Variants in PRKCA observed in about 807,000 individuals in gnomAD.
PRKCA encodes the protein protein kinase C alpha, also known as protein kinase C alpha type.
In PRKCA, 27 loss-of-function variants were observed where a neutral mutation model predicts 87.0. The ratio of observed to expected loss-of-function variants is 0.31; its 90% CI spans 0.23 to 0.43. PRKCA has a LOEUF of 0.43. PRKCA is among the 20% of genes least tolerant of loss of function. The pLI is 1.00. For missense variants in PRKCA, 518 were observed against 852.3 expected (o/e 0.61, Z 4.88); for synonymous variants, 329 against 311.1 (o/e 1.06, Z -0.61).
In PRKCA at chr17:66,454,073, T is replaced by C. The variant is rs138960846; in HGVS notation, c.206-42128T>C. 3.3e-4 allele frequency among the ~76,000 whole-genome samples: 50 copies of C among 152,372 alleles called. No individual in the cohort carries two copies. The East Asian group carries it at 9.1e-3, about 28-fold the overall frequency. On this transcript the variant is annotated intron_variant, in intron 2 of 16. Transcript: ENST00000413366. ...AAACAATTCCTCCTCATGCCCTAGTTTCATGTTGTGATTTTAGCAGAATTA... is the reference window on the plus strand; with the variant it reads ...AAACAATTCCTCCTCATGCCCTAGTCTCATGTTGTGATTTTAGCAGAATTA...
At chr17:66,385,974 G>C (rs1910038811) in intron 2 of PRKCA, among the ~76,000 whole-genome samples, 1 of 152,000 alleles carries the variant, frequency 6.6e-6, no homozygotes, top group Non-Finnish European at 1.5e-5. Flanking sequence ...TGGCCAGACT[G>C]GTCTTGAACT....
At chr17:66,587,818 TATACATATATAC>T (rs1969656503) in intron 3 of PRKCA, among the ~76,000 whole-genome samples, 1 of 128,930 alleles carries the variant, frequency 7.8e-6, no homozygotes, top group Non-Finnish European at 1.7e-5. Context: ...TGTGTATATG[TATACATATATAC>T]GTATATGTGT....
At chr17:66,528,969 A>G (rs1168212481) in intron 3 of PRKCA, among the ~76,000 whole-genome samples, 2 of 152,166 alleles carry the variant, frequency 1.3e-5, no homozygotes, top group African/African-American at 2.4e-5. Flanking sequence ...GCCCAGCCAA[A>G]TTGTTCTCCA....
intron 3 of PRKCA, among the ~76,000 whole-genome samples, chr17:66,499,667 G>A (rs573072270): frequency 1.3e-5 from 2 of 152,262 alleles, no homozygotes; most frequent in African/African-American, 4.8e-5. Flanking sequence ...AAACACACCC[G>A]TGAGCTGATG....
intron 3 of PRKCA, among the ~76,000 whole-genome samples, chr17:66,611,929 C>T (rs756265923): frequency 1.1e-4 from 16 of 152,106 alleles, no homozygotes; most frequent in African/African-American, 3.6e-4. Flanking sequence ...TGATGTTGAA[C>T]ATGTTTTTAT....
chr17:66,712,123 C>T (rs1211356631), intron 8 of PRKCA, among the ~76,000 whole-genome samples: 1 of 152,172 alleles, frequency 6.6e-6, no homozygotes, highest in East Asian at 1.9e-4. Flanking sequence ...TACACTGAGC[C>T]TCTGTGCAAC....
chr17:66,712,769 A>G (rs773839315), intron 8 of PRKCA, among the ~76,000 whole-genome samples: 1 of 152,202 alleles, frequency 6.6e-6, no homozygotes, highest in Non-Finnish European at 1.5e-5. Context: ...GCCTGGAGCC[A>G]TGCAGCTCAT....
At chr17:66,763,211 A>G (rs931249848) in intron 13 of PRKCA, among the ~76,000 whole-genome samples, 8 of 152,208 alleles carry the variant, frequency 5.3e-5, no homozygotes, top group Non-Finnish European at 8.8e-5. Context: ...CAGATCCACT[A>G]CTTCTCCAAC....
chr17:66,502,434 C>T (rs558832164), intron 3 of PRKCA, among the ~76,000 whole-genome samples: 84 of 152,108 alleles, frequency 5.5e-4, no homozygotes, highest in Non-Finnish European at 9.9e-4. Context: ...GGAGTTTCAC[C>T]GTGTTGGCCA....
At chr17:66,481,404 A>G (rs1915769598) in intron 2 of PRKCA, among the ~76,000 whole-genome samples, 1 of 152,082 alleles carries the variant, frequency 6.6e-6, no homozygotes, top group Non-Finnish European at 1.5e-5. Context: ...TATATATGAC[A>G]ACGACTCTTC....
At chr17:66,720,739 A>T (rs1973594208) in intron 8 of PRKCA, among the ~76,000 whole-genome samples, 1 of 152,214 alleles carries the variant, frequency 6.6e-6, no homozygotes, top group African/African-American at 2.4e-5. Context: ...TCATCGTTGT[A>T]CAAAAAATGG....
At chr17:66,433,823 G>C (rs373749376) in intron 2 of PRKCA, among the ~76,000 whole-genome samples, 1 of 152,162 alleles carries the variant, frequency 6.6e-6, no homozygotes, top group African/African-American at 2.4e-5. Flanking sequence ...GGGATTATAG[G>C]TGTGAGCCAC....
chr17:66,688,684 T>G (rs562298775), intron 7 of PRKCA, among the ~76,000 whole-genome samples: 1 of 152,094 alleles, frequency 6.6e-6, no homozygotes, highest in Non-Finnish European at 1.5e-5. Flanking sequence ...ACCCCTGTAG[T>G]CCCAGCTACC....
chr17:66,607,028 T>C (rs1970229172), intron 3 of PRKCA, among the ~76,000 whole-genome samples: 5 of 152,310 alleles, frequency 3.3e-5, no homozygotes, highest in Admixed American at 3.3e-4. Context: ...AATTTTTTCA[T>C]TTCTTATTTT....
At chr17:66,732,660 G>A (rs774416342) in intron 8 of PRKCA, 28 bp from the exon 9 acceptor site, 8 of 1,613,404 alleles carry the variant, frequency 5.0e-6, no homozygotes, top group Middle Eastern at 1.6e-4. Flanking sequence ...AATGACCCAC[G>A]TGTTTCCCAT....
intron 2 of PRKCA, among the ~76,000 whole-genome samples, chr17:66,476,413 C>T (rs1915538399): frequency 6.6e-6 from 1 of 152,170 alleles, no homozygotes; most frequent in Admixed American, 6.5e-5. Flanking sequence ...TCCCGATTTA[C>T]GGAAGAGCTT....
At chr17:66,341,453 C>T (rs574623078) in intron 2 of PRKCA, among the ~76,000 whole-genome samples, 6 of 152,228 alleles carry the variant, frequency 3.9e-5, no homozygotes, top group East Asian at 3.9e-4. Flanking sequence ...TTAAGTGAGG[C>T]GTGTTGTTCT....
At chr17:66,663,131 C>G (rs1456268441) in intron 5 of PRKCA, among the ~76,000 whole-genome samples, 2 of 152,198 alleles carry the variant, frequency 1.3e-5, no homozygotes, top group African/African-American at 4.8e-5. Flanking sequence ...GGAAGCCGAG[C>G]AAAGCCCACT....
chr17:66,741,445 G>A (rs960622360), intron 11 of PRKCA, among the ~76,000 whole-genome samples: 6 of 152,158 alleles, frequency 3.9e-5, no homozygotes, highest in Non-Finnish European at 7.4e-5. Context: ...ATAAGAAGCC[G>A]GTTTCATTGG....
Sources: allele counts gnomAD v4.1 joint callset (sites outside exome capture counted in the v4.1 genomes callset), GRCh38; gene constraint gnomAD v4.1.1; transcripts MANE v1.5; gene names NCBI Gene and HGNC (gene_info 2026-07-23, HGNC 2026-07-21).